Variants in QKI observed in about 807,000 individuals in gnomAD.
The protein encoded by QKI is KH domain-containing RNA-binding protein QKI.
A neutral mutation model predicts 39.0 loss-of-function variants in QKI; 10 were observed. That is an observed-to-expected ratio of 0.26 (90% CI 0.16 to 0.43). The LOEUF (loss-of-function observed/expected upper bound fraction) is 0.43. Ranked by LOEUF, QKI falls within the 20% of genes least tolerant of loss-of-function variation. The pLI, the probability that QKI is intolerant of heterozygous loss-of-function variation, is 1.00. For missense variants in QKI, 218 were observed against 428.0 expected (o/e 0.51, Z 4.33); for synonymous variants, 204 against 155.4 (o/e 1.31, Z -2.33).
chr6:163,431,067 G>C (rs1788787916), intron 1 of QKI, among the ~76,000 whole-genome samples: 1 of 152,120 alleles, frequency 6.6e-6, no homozygotes, highest in Non-Finnish European at 1.5e-5. Context: ...GGAAATTTTA[G>C]GGGATTGTTA....
intron 7 of QKI, chr6:163,568,366 C>A (rs1000653615): frequency 1.4e-5 from 14 of 985,370 alleles, no homozygotes; most frequent in South Asian, 4.7e-5. Flanking sequence ...GATAGTTGGA[C>A]ATATTTTAGG....
chr6:163,485,987 G>A (rs1332782965), intron 3 of QKI, among the ~76,000 whole-genome samples: 1 of 152,234 alleles, frequency 6.6e-6, no homozygotes, highest in Non-Finnish European at 1.5e-5. Context: ...GAATTTGTGT[G>A]GGGCCACATT....
chr6:163,418,133 C>T (rs1467580004), intron 1 of QKI, among the ~76,000 whole-genome samples: 5 of 150,794 alleles, frequency 3.3e-5, no homozygotes, highest in Admixed American at 2.0e-4. Flanking sequence ...TGAAAAATTA[C>T]TTTTAAATTT....
chr6:163,546,004 A>G (rs1781845243), intron 4 of QKI, among the ~76,000 whole-genome samples: 1 of 148,226 alleles, frequency 6.7e-6, no homozygotes, highest in Non-Finnish European at 1.5e-5. Flanking sequence ...ACTATTTTAT[A>G]ATTGGTATAA....
At chr6:163,542,200 A>C (rs929608820) in intron 4 of QKI, among the ~76,000 whole-genome samples, 1 of 152,030 alleles carries the variant, frequency 6.6e-6, no homozygotes, top group Non-Finnish European at 1.5e-5. Flanking sequence ...TCCACACAGG[A>C]GCACACATTA....
intron 3 of QKI, among the ~76,000 whole-genome samples, chr6:163,504,964 A>G (rs762207132): frequency 2.0e-4 from 30 of 152,204 alleles, no homozygotes; most frequent in Non-Finnish European, 2.9e-4. Flanking sequence ...TTGCCTTCTG[A>G]AAACCATGTT....
intron 2 of QKI, among the ~76,000 whole-genome samples, chr6:163,468,046 A>G (rs969577132): frequency 6.6e-6 from 1 of 152,144 alleles, no homozygotes; most frequent in African/African-American, 2.4e-5. Flanking sequence ...CTCTTCTCTC[A>G]TCTTACATAC....
intron 1 of QKI, among the ~76,000 whole-genome samples, chr6:163,441,934 G>C (rs1231912626): frequency 1.3e-5 from 2 of 152,174 alleles, no homozygotes; most frequent in Non-Finnish European, 2.9e-5. Flanking sequence ...TCTTTGTAAG[G>C]ACCTGGGCTT....
intron 3 of QKI, among the ~76,000 whole-genome samples, chr6:163,515,922 G>A (rs912362771): frequency 6.6e-6 from 1 of 152,050 alleles, no homozygotes; most frequent in Non-Finnish European, 1.5e-5. Context: ...TCACCTCTTT[G>A]TGGTATAAGC....
At chr6:163,473,651 A>C (rs1234438231) in intron 2 of QKI, among the ~76,000 whole-genome samples, 3 of 152,226 alleles carry the variant, frequency 2.0e-5, no homozygotes, top group Admixed American at 2.0e-4. Context: ...ATACAACTTA[A>C]AAATTGACAT....
intron 4 of QKI, among the ~76,000 whole-genome samples, chr6:163,543,609 T>C (rs562155494): frequency 6.6e-6 from 1 of 152,192 alleles, no homozygotes; most frequent in South Asian, 2.1e-4. Context: ...TTAAAGCTTT[T>C]TGGCGGGTTT....
intron 3 of QKI, among the ~76,000 whole-genome samples, chr6:163,513,644 C>CA (rs1779622952): frequency 6.6e-6 from 1 of 152,128 alleles, no homozygotes; most frequent in Non-Finnish European, 1.5e-5. Context: ...TTCGATGATG[C>CA]AGCATTTTTA....
intron 3 of QKI, among the ~76,000 whole-genome samples, chr6:163,508,256 A>C (rs1326559303): frequency 6.6e-6 from 1 of 152,178 alleles, no homozygotes; most frequent in South Asian, 2.1e-4. Context: ...AAATTTGATG[A>C]AAGACATAAA....
At chr6:163,461,284 G>A (rs1024845331) in intron 2 of QKI, among the ~76,000 whole-genome samples, 7 of 152,138 alleles carry the variant, frequency 4.6e-5, no homozygotes, top group African/African-American at 2.4e-5. Flanking sequence ...ATTACAGAAA[G>A]GGTTACAGGA....
intron 2 of QKI, among the ~76,000 whole-genome samples, chr6:163,456,498 TAATATCAAA>T (rs1790927640): frequency 1.3e-5 from 2 of 152,210 alleles, no homozygotes; most frequent in Non-Finnish European, 2.9e-5. Flanking sequence ...GGAGTTATTA[TAATATCAAA>T]AATATGATGT....
intron 4 of QKI, among the ~76,000 whole-genome samples, chr6:163,541,477 A>C (rs1295899094): frequency 6.8e-6 from 1 of 147,666 alleles, no homozygotes; most frequent in Admixed American, 6.9e-5. Context: ...GAAAGCACTC[A>C]GATCTTCTCC....
chr6:163,574,445 C>A lies in QKI; in HGVS notation c.*3735C>A, dbSNP rs765593327. ...CTGTTTCTCATGGTGGCCTGAAGCC[C>A]CGCTGCTTTCCAGTGAGGAAAAGAA... is the stretch of plus-strand genomic sequence containing the variant. On this transcript the variant is annotated 3_prime_UTR_variant, in exon 8 of 8. Transcript: ENST00000361752. 5 of 152,140 alleles carry A rather than the reference C, an allele frequency of 3.3e-5. No individual in the cohort carries two copies. Among genetic ancestry groups the A allele is most frequent in the African/African-American group, 7.2e-5 (3 of 41,406 alleles). The allele number at this position is 152,140 out of a possible 1,614,324, so 9.4% of individuals were successfully genotyped here. A position where few individuals can be genotyped will look rare whatever the true frequency, so the allele number is the denominator to read the frequency against.
intron 7 of QKI, chr6:163,568,084 G>A (rs927291345): frequency 1.0e-6 from 1 of 985,246 alleles, no homozygotes; most frequent in African/African-American, 1.7e-5. Flanking sequence ...TATGAGGATG[G>A]TATTCCTTGT....
intron 3 of QKI, among the ~76,000 whole-genome samples, chr6:163,492,304 A>C (rs1778105696): frequency 6.6e-6 from 1 of 152,144 alleles, no homozygotes; most frequent in African/African-American, 2.4e-5. Flanking sequence ...AGAGACCACT[A>C]TTAAATTATT....
Sources: allele counts gnomAD v4.1 joint callset (sites outside exome capture counted in the v4.1 genomes callset), GRCh38; gene constraint gnomAD v4.1.1; transcripts MANE v1.5; gene names NCBI Gene and HGNC (gene_info 2026-07-23, HGNC 2026-07-21).